ALCAM: variants seen among roughly 807,000 people sequenced by gnomAD.
The protein encoded by ALCAM is CD166 antigen.
In ALCAM, 30 loss-of-function variants were observed where a neutral mutation model predicts 70.9. The observed-to-expected ratio is 0.42, with a 90% CI of 0.32 to 0.57. The LOEUF is 0.57. Among genes scored for constraint, ALCAM ranks in the 20% least tolerant of loss-of-function variants. The pLI is 0.11. For missense variants in ALCAM, 591 were observed against 695.1 expected (o/e 0.85, Z 1.68); for synonymous variants, 249 against 242.5 (o/e 1.03, Z -0.25).
At chr3:105,523,139 C>CAAAAAAAAAAA (rs59478384) in intron 2 of ALCAM, among the ~76,000 whole-genome samples, 7 of 87,016 alleles carry the variant, frequency 8.0e-5, no homozygotes, top group African/African-American at 2.5e-4. Context: ...GACTCCGTCT[C>CAAAAAAAAAAA]AAAAAAAAAA....
intron 1 of ALCAM, among the ~76,000 whole-genome samples, chr3:105,409,734 T>C (rs922814304): frequency 3.3e-5 from 5 of 152,000 alleles, no homozygotes; most frequent in African/African-American, 1.2e-4. Context: ...GAAAAGAAAT[T>C]TCCTGTCCTA....
chr3:105,405,490 G>A (rs1235355345), intron 1 of ALCAM, among the ~76,000 whole-genome samples: 2 of 151,916 alleles, frequency 1.3e-5, no homozygotes, highest in African/African-American at 4.8e-5. Context: ...GCACCAGACA[G>A]GTCATCAAGA....
chr3:105,507,334 G>A (rs1266764142), intron 1 of ALCAM, among the ~76,000 whole-genome samples: 1 of 151,930 alleles, frequency 6.6e-6, no homozygotes, highest in Non-Finnish European at 1.5e-5. Context: ...ACATTTTATG[G>A]GTTTCGACAA....
chr3:105,455,430 C>A (rs1469576518), intron 1 of ALCAM, among the ~76,000 whole-genome samples: 5 of 124,818 alleles, frequency 4.0e-5, no homozygotes, highest in African/African-American at 1.3e-4. Flanking sequence ...CGACAGAGTG[C>A]GACACCGTCT....
At chr3:105,490,976 G>T (rs191204528) in intron 1 of ALCAM, among the ~76,000 whole-genome samples, 1 of 152,152 alleles carries the variant, frequency 6.6e-6, no homozygotes, top group Admixed American at 6.5e-5. Flanking sequence ...CACTGCCCTC[G>T]CAGAGGTTCT....
Position 105,567,900 on chromosome 3 carries a change from G to T in ALCAM, c.1665-3952G>T, listed in dbSNP as rs183641440. ...ATAATTTCTGTTATATTTTTCTAAA[G>T]GATATGAGTTGCTTTTCCTAGCAGA... On this transcript the variant is annotated intron_variant, in intron 14 of 15. Coordinates refer to ENST00000306107, the MANE Select transcript of ALCAM (RefSeq NM_001627.4). 2.1e-3 allele frequency among the ~76,000 whole-genome samples: 315 copies of T among 152,046 alleles called. 3 individuals carry two copies. The highest frequency in any genetic ancestry group is 6.9e-3 in the African/African-American group (286 of 41,518).
chr3:105,486,957 C>CATTTATGTATTTATTTATTT (rs1938445827), intron 1 of ALCAM, among the ~76,000 whole-genome samples: 1 of 148,746 alleles, frequency 6.7e-6, no homozygotes, highest in African/African-American at 2.5e-5. Flanking sequence ...GAGCATAAGA[C>CATTTATGTATTTATTTATTT]ATTTATTTAT....
intron 1 of ALCAM, among the ~76,000 whole-genome samples, chr3:105,422,645 T>G (rs1336183491): frequency 1.3e-5 from 2 of 151,468 alleles, no homozygotes; most frequent in Admixed American, 1.3e-4. Flanking sequence ...TGGTACAGTA[T>G]TGGATTTCTT....
At chr3:105,404,986 A>T (rs559884592) in intron 1 of ALCAM, among the ~76,000 whole-genome samples, 1 of 152,282 alleles carries the variant, frequency 6.6e-6, no homozygotes, top group Non-Finnish European at 1.5e-5. Flanking sequence ...GTTAAAAAAG[A>T]CAAAGAGGGG....
intron 1 of ALCAM, among the ~76,000 whole-genome samples, chr3:105,470,313 G>A (rs1364785316): frequency 6.6e-6 from 1 of 150,428 alleles, no homozygotes; most frequent in Non-Finnish European, 1.5e-5. Context: ...AAGTATGAAG[G>A]CCAAGATGAG....
intron 1 of ALCAM, among the ~76,000 whole-genome samples, chr3:105,488,260 T>G (rs1338107373): frequency 6.6e-6 from 1 of 152,108 alleles, no homozygotes; most frequent in Non-Finnish European, 1.5e-5. Flanking sequence ...TGCAGAACTG[T>G]GAGCCAAATA....
intron 1 of ALCAM, among the ~76,000 whole-genome samples, chr3:105,400,757 G>T (rs2107370788): frequency 6.6e-6 from 1 of 152,200 alleles, no homozygotes; most frequent in African/African-American, 2.4e-5. Context: ...GAAGAGAAGA[G>T]AAACTAATCT....
intron 1 of ALCAM, among the ~76,000 whole-genome samples, chr3:105,389,371 G>GTT (rs371987714): frequency 0.25 from 14,436 of 58,096 alleles, 4,568 homozygotes; most frequent in Non-Finnish European, 0.3. Context: ...TATATACATA[G>GTT]TTTTTTTTTT....
intron 1 of ALCAM, among the ~76,000 whole-genome samples, chr3:105,455,731 C>CAA (rs1270123530): frequency 6.6e-6 from 1 of 152,212 alleles, no homozygotes; most frequent in African/African-American, 2.4e-5. Flanking sequence ...CCTTTCCAGG[C>CAA]AATAACCCGA....
chr3:105,445,132 CCTA>C (rs1559793777), intron 1 of ALCAM, among the ~76,000 whole-genome samples: 1 of 152,146 alleles, frequency 6.6e-6, no homozygotes, highest in Admixed American at 6.5e-5. Flanking sequence ...ATCAAGCTGT[CCTA>C]CTATTCAATT....
intron 1 of ALCAM, among the ~76,000 whole-genome samples, chr3:105,371,620 T>G (rs1255926886): frequency 6.6e-6 from 1 of 152,054 alleles, no homozygotes; most frequent in Non-Finnish European, 1.5e-5. Context: ...TATTACTTGG[T>G]GTAAGATGGC....
intron 1 of ALCAM, among the ~76,000 whole-genome samples, chr3:105,371,022 A>G (rs1238134912): frequency 6.6e-6 from 1 of 152,076 alleles, no homozygotes; most frequent in Non-Finnish European, 1.5e-5. Context: ...AAATACTAAT[A>G]TTTTTCTATT....
At chr3:105,510,887 G>A (rs913285608) in intron 1 of ALCAM, among the ~76,000 whole-genome samples, 1 of 151,936 alleles carries the variant, frequency 6.6e-6, no homozygotes, top group African/African-American at 2.4e-5. Flanking sequence ...ACTACATTTG[G>A]CCTCTGGGAT....
intron 1 of ALCAM, among the ~76,000 whole-genome samples, chr3:105,472,252 T>G (rs9840990): frequency 0.081 from 12,213 of 151,474 alleles, 607 homozygotes; most frequent in Non-Finnish European, 0.12. Context: ...ATTAATTTCT[T>G]TATTTGAACT....
Sources: gnomAD v4.1 joint callset for allele counts (sites outside exome capture counted in the v4.1 genomes callset) on GRCh38, gnomAD v4.1.1 for gene constraint, MANE v1.5 for transcripts, NCBI Gene and HGNC (gene_info 2026-07-23, HGNC 2026-07-21) for gene names.